LRRC4C: variants seen among roughly 807,000 people sequenced by gnomAD.
LRRC4C encodes the protein leucine rich repeat containing 4C, also known as leucine-rich repeat-containing protein 4C.
In LRRC4C, 5 loss-of-function variants were observed where a neutral mutation model predicts 33.6. The observed-to-expected ratio is 0.15, with a 90% confidence interval of 0.08 to 0.31. The LOEUF is 0.31. Among genes scored for constraint, LRRC4C ranks in the 10% least tolerant of loss-of-function variants. The pLI is 1.00. For missense variants in LRRC4C, 560 were observed against 796.7 expected, an observed-to-expected ratio of 0.70 and a Z score of 3.58; for synonymous variants, 329 against 302.0, an observed-to-expected ratio of 1.09 and a Z score of -0.93.
intron 2 of LRRC4C, among the ~76,000 whole-genome samples, chr11:40,715,060 G>A (rs573797866): frequency 3.6e-4 from 54 of 151,990 alleles, no homozygotes; most frequent in African/African-American, 7.3e-4. Flanking sequence ...GAGCACAAAC[G>A]TAAAGGAGAA....
intron 1 of LRRC4C, among the ~76,000 whole-genome samples, chr11:41,455,974 T>A (rs1956160447): frequency 6.6e-6 from 1 of 152,166 alleles, no homozygotes; most frequent in Non-Finnish European, 1.5e-5. Flanking sequence ...GAGATGCAGA[T>A]AATTGAGTGA....
In LRRC4C at chr11:40,412,435, C is replaced by T. The variant is rs376851974; in HGVS notation, c.-269-92714G>A. 2.8e-4 allele frequency among the ~76,000 whole-genome samples: 43 copies of T among 152,118 alleles called. No homozygotes were observed. The South Asian group carries it at 8.7e-3, about 31-fold the overall frequency. ...AGACTGCCTTCCAGTTACATGGGCT[C>T]AAAATTTTGTAATCTTTTGTTTTTA... On this transcript the variant is annotated intron_variant, in intron 3 of 6. Coordinates refer to ENST00000528697, the MANE Select transcript of LRRC4C (RefSeq NM_001258419.2).
intron 3 of LRRC4C, among the ~76,000 whole-genome samples, chr11:40,536,474 G>A (rs1173137015): frequency 6.6e-6 from 1 of 152,174 alleles, no homozygotes; most frequent in Non-Finnish European, 1.5e-5. Context: ...TTACAGGCGT[G>A]AGCCACCGTG....
At chr11:41,016,538 A>T (rs1855597748) in intron 1 of LRRC4C, among the ~76,000 whole-genome samples, 1 of 152,220 alleles carries the variant, frequency 6.6e-6, no homozygotes, top group Non-Finnish European at 1.5e-5. Context: ...TATTTGCTAC[A>T]AATGTCTTTA....
chr11:40,430,971 T>G lies in LRRC4C; in HGVS notation c.-269-111250A>C, dbSNP rs1254441368. Among the ~76,000 whole-genome samples, 5 of 129,386 alleles carry G rather than the reference T, an allele frequency of 3.9e-5. 1 individual carries two copies. In the South Asian group the frequency reaches 1.3e-3, roughly 33 times the overall value. The allele number at this position is 129,386 out of a possible 152,430, so 84.9% of individuals were successfully genotyped here. On this transcript the variant is annotated intron_variant, in intron 3 of 6. Coordinates refer to ENST00000528697, the MANE Select transcript of LRRC4C (RefSeq NM_001258419.2). ...GTGGGGTGGGGGGAGGGGGGAGGGA[T>G]AGCATTGGGAGATATACCTAATGCT...
chr11:40,796,986 G>C (rs1461615571), intron 2 of LRRC4C, among the ~76,000 whole-genome samples: 1 of 152,066 alleles, frequency 6.6e-6, no homozygotes, highest in Non-Finnish European at 1.5e-5. Context: ...ACTATCACAC[G>C]CTATAGAACT....
At chr11:40,974,989 C>T (rs1269796323) in intron 1 of LRRC4C, among the ~76,000 whole-genome samples, 2 of 152,154 alleles carry the variant, frequency 1.3e-5, no homozygotes, top group African/African-American at 4.8e-5. Context: ...TGTCTCAACT[C>T]GGACTGAGCC....
chr11:41,155,834 C>T lies in LRRC4C; in HGVS notation c.-495-222111G>A, dbSNP rs757639720. Among the ~76,000 whole-genome samples the T allele has an allele frequency of 5.9e-4, 90 of 152,198 alleles. 1 individual carries two copies. The highest frequency in any genetic ancestry group is 9.9e-4 in the Non-Finnish European group (67 of 68,002). On this transcript the variant is annotated intron_variant, in intron 1 of 6. Transcript: ENST00000528697. ...CCCTAAATTCAGACAATAATTTAAACATTTTATAGCTTTCAAAATCAAAAC... is the reference window on the plus strand; with the variant it reads ...CCCTAAATTCAGACAATAATTTAAATATTTTATAGCTTTCAAAATCAAAAC...
chr11:41,367,258 T>C (rs1269303536), intron 1 of LRRC4C, among the ~76,000 whole-genome samples: 1 of 152,146 alleles, frequency 6.6e-6, no homozygotes, highest in African/African-American at 2.4e-5. Flanking sequence ...ATGCCTCTTG[T>C]CTTTATAGTG....
chr11:40,900,676 T>A (rs1261109771), intron 2 of LRRC4C, among the ~76,000 whole-genome samples: 3 of 151,886 alleles, frequency 2.0e-5, no homozygotes, highest in African/African-American at 7.2e-5. Flanking sequence ...CAACACCAAA[T>A]CTACTAAATA....
intron 3 of LRRC4C, among the ~76,000 whole-genome samples, chr11:40,480,507 A>C (rs1297820747): frequency 1.3e-5 from 2 of 152,016 alleles, no homozygotes; most frequent in African/African-American, 4.8e-5. Context: ...GGATCAAAAA[A>C]CTACCTGTCA....
chr11:40,923,029 T>C (rs1011986673), intron 2 of LRRC4C, among the ~76,000 whole-genome samples: 1 of 152,174 alleles, frequency 6.6e-6, no homozygotes, highest in Non-Finnish European at 1.5e-5. Flanking sequence ...TTCACCATGT[T>C]GGGCAGGCTG....
chr11:40,798,828 G>C (rs936444908), intron 2 of LRRC4C, among the ~76,000 whole-genome samples: 10 of 151,902 alleles, frequency 6.6e-5, no homozygotes, highest in African/African-American at 2.2e-4. Context: ...ATTTTTAATA[G>C]AGACAGGGTT....
intron 1 of LRRC4C, among the ~76,000 whole-genome samples, chr11:41,267,170 A>G (rs1442550340): frequency 2.0e-5 from 3 of 152,130 alleles, no homozygotes; most frequent in African/African-American, 7.2e-5. Flanking sequence ...ACCTTGTGCT[A>G]AAATGGCTGT....
chr11:40,666,837 T>C (rs1028660520), intron 2 of LRRC4C, among the ~76,000 whole-genome samples: 5 of 152,172 alleles, frequency 3.3e-5, no homozygotes, highest in African/African-American at 1.2e-4. Context: ...TTGCATAGGC[T>C]ATCCTAGCCA....
intron 2 of LRRC4C, among the ~76,000 whole-genome samples, chr11:40,771,786 C>T (rs1341471969): frequency 1.3e-5 from 2 of 152,162 alleles, no homozygotes; most frequent in Non-Finnish European, 2.9e-5. Flanking sequence ...TCATCTCCCT[C>T]TGAGACCACC....
chr11:40,176,691 T>G (rs1860523739), intron 5 of LRRC4C, among the ~76,000 whole-genome samples: 1 of 151,912 alleles, frequency 6.6e-6, no homozygotes, highest in Admixed American at 6.6e-5. Context: ...CAGGTGCACA[T>G]GACCACACTC....
chr11:41,295,688 A>C (rs942571904), intron 1 of LRRC4C, among the ~76,000 whole-genome samples: 1 of 152,094 alleles, frequency 6.6e-6, no homozygotes, highest in African/African-American at 2.4e-5. Context: ...CACAGATCAC[A>C]ATATCACAGA....
chr11:41,069,408 A>C (rs1320546230), intron 1 of LRRC4C, among the ~76,000 whole-genome samples: 6 of 152,182 alleles, frequency 3.9e-5, no homozygotes, highest in African/African-American at 1.4e-4. Flanking sequence ...TAGTATTGGA[A>C]GTTCTGGCCA....
Sources: allele counts gnomAD v4.1 joint callset (sites outside exome capture counted in the v4.1 genomes callset), GRCh38; gene constraint gnomAD v4.1.1; transcripts MANE v1.5; gene names NCBI Gene and HGNC (gene_info 2026-07-23, HGNC 2026-07-21).